SATB2: variants seen among roughly 807,000 people sequenced by gnomAD.
SATB2 encodes the protein DNA-binding protein SATB2.
A neutral mutation model predicts 73.4 loss-of-function variants in SATB2; 1 was observed. The observed-to-expected ratio is 0.01, with a 90% CI of 0.00 to 0.06. The LOEUF (loss-of-function observed/expected upper bound fraction) is 0.06. SATB2 is among the 10% of genes least tolerant of loss of function. SATB2 has a pLI of 1.00. For synonymous variants in SATB2, 397 were observed against 367.0 expected (o/e 1.08, Z -0.93); for missense variants, 459 against 945.8 (o/e 0.49, Z 6.75).
At chr2:199,338,344 G>C (rs911040172) in intron 7 of SATB2, among the ~76,000 whole-genome samples, 2 of 151,444 alleles carry the variant, frequency 1.3e-5, no homozygotes, top group African/African-American at 4.9e-5. Flanking sequence ...CTCCAGCCTG[G>C]GCGACAGAGC....
At chr2:199,333,223 G>A (rs1688239429) in intron 7 of SATB2, among the ~76,000 whole-genome samples, 1 of 151,932 alleles carries the variant, frequency 6.6e-6, no homozygotes, top group South Asian at 2.1e-4. Context: ...GTTCTGAGAG[G>A]GATGAAGAGA....
chr2:199,458,412 T>C, upstream of SATB2: 1 of 374,484 alleles, frequency 2.7e-6, no homozygotes, highest in Non-Finnish European at 5.2e-6. Flanking sequence ...GACGAGGACC[T>C]CATGCACGAG....
intron 3 of SATB2, among the ~76,000 whole-genome samples, chr2:199,388,319 T>C (rs896454533): frequency 2.0e-5 from 3 of 152,178 alleles, no homozygotes; most frequent in African/African-American, 2.4e-5. Flanking sequence ...AAGCTTATTA[T>C]TGCTAAACAC....
At chr2:199,453,054 C>G (rs1388657831) in intron 2 of SATB2, among the ~76,000 whole-genome samples, 3 of 151,976 alleles carry the variant, frequency 2.0e-5, no homozygotes, top group Non-Finnish European at 4.4e-5. Flanking sequence ...AAAGTAATGC[C>G]CCTTCTTTTA....
rs1692148123 is a variant in SATB2 at position 199,271,307 on chromosome 2, A to G, written c.*904T>C. 1.3e-5 allele frequency: 2 copies of G among 152,860 alleles called. No individual in the cohort carries two copies. Among genetic ancestry groups the G allele is most frequent in the South Asian group, 2.1e-4 (1 of 4,820 alleles). 9.5% of individuals were successfully genotyped at this position (152,860 alleles called of 1,614,324 possible). ...TTTCTCTGCACTGAATTTCAGTTTT[A>G]CTTATTTGGAATTCCACAGAAATGC... On this transcript the variant is annotated 3_prime_UTR_variant, in exon 11 of 11. Coordinates refer to ENST00000417098, the MANE Select transcript of SATB2 (RefSeq NM_001172509.2).
chr2:199,331,611 G>A (rs1280709091), intron 7 of SATB2, among the ~76,000 whole-genome samples: 1 of 152,260 alleles, frequency 6.6e-6, no homozygotes, highest in South Asian at 2.1e-4. Context: ...GTGGGCACAA[G>A]AAGAGTTTTA....
intron 10 of SATB2, among the ~76,000 whole-genome samples, chr2:199,305,447 G>C (rs1167016308): frequency 1.3e-5 from 2 of 152,154 alleles, no homozygotes; most frequent in Non-Finnish European, 1.5e-5. Context: ...AGGCCCCCAT[G>C]ATACAAGTTT....
At chr2:199,362,998 T>C (rs1689182399) in intron 6 of SATB2, among the ~76,000 whole-genome samples, 1 of 152,212 alleles carries the variant, frequency 6.6e-6, no homozygotes, top group African/African-American at 2.4e-5. Flanking sequence ...CTACAAACTA[T>C]ATTATTAACA....
chr2:199,332,759 A>G (rs1256650001), intron 7 of SATB2, among the ~76,000 whole-genome samples: 7 of 152,246 alleles, frequency 4.6e-5, no homozygotes, highest in Admixed American at 2.0e-4. Context: ...AATTGTTAGC[A>G]TGTACAATAT....
intron 1 of SATB2, among the ~76,000 whole-genome samples, chr2:199,456,417 C>T (rs1360448731): frequency 6.6e-6 from 1 of 152,234 alleles, no homozygotes; most frequent in Non-Finnish European, 1.5e-5. Flanking sequence ...ATAAACCGTT[C>T]CTGGGTGCTA....
chr2:199,326,054 C>T (rs1468368496), intron 8 of SATB2: 1 of 152,106 alleles, frequency 6.6e-6, no homozygotes, highest in Non-Finnish European at 1.5e-5. Flanking sequence ...TGTCAAGCTG[C>T]TTGTGTGCAC....
At chr2:199,347,537 C>G (rs1191867356) in intron 7 of SATB2, 1 of 152,190 alleles carries the variant, frequency 6.6e-6, no homozygotes, top group Non-Finnish European at 1.5e-5. Context: ...GTGTTGTTTA[C>G]ATATGTGCTT....
In SATB2 at chr2:199,308,620, A is replaced by G; in HGVS notation, c.1740+140T>C. On this transcript the variant is annotated intron_variant, in intron 10 of 10. Transcript: ENST00000417098. The surrounding 1 kb of genome is among the most constrained non-coding windows in gnomAD (Gnocchi z 4.6). ...TACACACAGTACCCACTGTGACGACAGCGTCTTCTGTACTTGGGGACCTGG... is the reference window on the plus strand; with the variant it reads ...TACACACAGTACCCACTGTGACGACGGCGTCTTCTGTACTTGGGGACCTGG... The G allele has an allele frequency of 5.7e-6, 4 of 705,530 alleles. No homozygotes were observed. The highest frequency in any genetic ancestry group is 1.0e-5 in the Non-Finnish European group (4 of 399,602). The allele number at this position is 705,530 out of a possible 1,614,324, so 43.7% of individuals were successfully genotyped here.
At chr2:199,330,267 A>G (rs1365901167) in intron 7 of SATB2, among the ~76,000 whole-genome samples, 2 of 152,222 alleles carry the variant, frequency 1.3e-5, no homozygotes, top group African/African-American at 2.4e-5. Flanking sequence ...AGCAAATGCC[A>G]GTTATAGGAA....
At position 199,307,220 on chromosome 2, in the gene SATB2, AGTAT is replaced by A. The variant is rs1371688408; in HGVS notation, c.1740+1536_1740+1539del. ...TTCATTAATCTGTCTGATATCAAAG[AGTAT>A]GTTATGAAATGATATTGACAATAAA... On this transcript the variant is annotated intron_variant, in intron 10 of 10. Transcript: ENST00000417098. Among the ~76,000 whole-genome samples, 4 of 152,182 alleles carry A rather than the reference AGTAT, an allele frequency of 2.6e-5. No homozygotes were observed. The East Asian group carries it at 7.7e-4, about 29-fold the overall frequency.
chr2:199,441,462 C>G (rs1276512063), intron 2 of SATB2, among the ~76,000 whole-genome samples: 1 of 151,916 alleles, frequency 6.6e-6, no homozygotes, highest in Non-Finnish European at 1.5e-5. Flanking sequence ...TAATAAACTC[C>G]TTGATGGCTC....
chr2:199,297,571 C>T (rs889382533), intron 10 of SATB2, among the ~76,000 whole-genome samples: 33 of 152,220 alleles, frequency 2.2e-4, no homozygotes, highest in African/African-American at 8.0e-4. Context: ...CTGGTAGTCT[C>T]TGAGGAACTC....
At chr2:199,279,393 T>G (rs1186734275) in intron 10 of SATB2, among the ~76,000 whole-genome samples, 1 of 152,220 alleles carries the variant, frequency 6.6e-6, no homozygotes, top group Non-Finnish European at 1.5e-5. Context: ...GGGAGCCAAG[T>G]GTAAAATATA....
intron 2 of SATB2, among the ~76,000 whole-genome samples, chr2:199,441,082 G>C (rs1249912685): frequency 6.6e-6 from 1 of 151,956 alleles, no homozygotes. Flanking sequence ...CCCAACCTCA[G>C]GTGATCCGCC....
Sources: allele counts gnomAD v4.1 joint callset (sites outside exome capture counted in the v4.1 genomes callset), GRCh38; gene constraint gnomAD v4.1.1; non-coding constraint Gnocchi (gnomAD v3.1); transcripts MANE v1.5; gene names NCBI Gene and HGNC (gene_info 2026-07-23, HGNC 2026-07-21).